Variants in SLX4 observed in about 807,000 individuals in gnomAD.
SLX4 encodes structure-specific endonuclease subunit SLX4.
In SLX4, 112 loss-of-function variants were observed where a neutral mutation model predicts 146.2. The observed-to-expected ratio is 0.77, with a 90% CI of 0.66 to 0.90. The LOEUF is 0.90. Ranked by LOEUF, SLX4 falls within the 40% of genes least tolerant of loss-of-function variation. The pLI is 0.00. For missense variants in SLX4, 2,563 were observed against 2,392.7 expected (o/e 1.07, Z -1.49); for synonymous variants, 1,061 against 997.7 (o/e 1.06, Z -1.20).
At chr16:3,608,342 G>T in intron 2 of SLX4, 88 bp downstream of exon 2, 1 of 1,354,522 alleles carries the variant, frequency 7.4e-7, no homozygotes, top group Non-Finnish European at 1.1e-6. Context: ...TTGTGACAGA[G>T]TCTGTGTGGC....
At chr16:3,588,782 G>A (rs958608091) in intron 12 of SLX4, among the ~76,000 whole-genome samples, 4 of 152,166 alleles carry the variant, frequency 2.6e-5, no homozygotes, top group Admixed American at 1.3e-4. Flanking sequence ...AGCCAGGCAA[G>A]TTTGGGAAAC....
intron 12 of SLX4, 139 bp downstream of exon 12, chr16:3,588,863 G>T: frequency 9.5e-7 from 1 of 1,053,162 alleles, no homozygotes; most frequent in Non-Finnish European, 1.5e-6. Flanking sequence ...GGGGAGTCTG[G>T]AAGGCAGCGG....
intron 2 of SLX4, 56 bp downstream of exon 2, chr16:3,608,374 G>A (rs1181273351): frequency 1.9e-5 from 31 of 1,594,434 alleles, no homozygotes; most frequent in South Asian, 3.3e-5. Flanking sequence ...AAATATTTAC[G>A]ATCTGGCCCT....
chr16:3,609,493 A>G lies in SLX4; in HGVS notation c.-529T>C, dbSNP rs2040825066. 1 of 157,114 alleles carries G rather than the reference A, an allele frequency of 6.4e-6. No homozygotes were observed. The highest frequency in any genetic ancestry group is 1.4e-5 in the Non-Finnish European group (1 of 70,668). The allele number at this position is 157,114 out of a possible 1,614,324, so 9.7% of individuals were successfully genotyped here. A position where few individuals can be genotyped will look rare whatever the true frequency, so the allele number is the denominator to read the frequency against. On this transcript the variant is annotated 5_prime_UTR_variant, in exon 2 of 15. Transcript: ENST00000294008. ...TAGATGCCTCTGAGATCGAATACAT[A>G]TGAACCTGGTGCTCAGATAATTCTC... is the stretch of plus-strand genomic sequence containing the variant.
rs1320885671 is a variant in SLX4, at chr16:3,583,086, C to T, written c.5153+11G>A. On this transcript the variant is annotated intron_variant, in intron 14 of 14. Transcript: ENST00000294008. ...ATGAGGCCACTGACCCCATCGCATC[C>T]ATCCGGTTACCTCTGTGAGCTCAAG... 6 of 1,614,128 alleles carry T rather than the reference C, an allele frequency of 3.7e-6. No individual in the cohort carries two copies. The highest frequency in any genetic ancestry group is 3.3e-5 in the South Asian group (3 of 91,084).
intron 9 of SLX4, 97 bp from the exon 10 acceptor site, chr16:3,594,696 G>C: frequency 1.3e-6 from 2 of 1,547,914 alleles, no homozygotes; most frequent in East Asian, 4.5e-5. Flanking sequence ...GCTAGGGTGG[G>C]CCGGGAGCCA....
rs777094715 is a variant in SLX4, at chr16:3,600,971, C to T, written c.1163+8G>A. ...TTGGCTTGGTTTTCTTCCTTTTCGTCGACTTACCTGAACATGGGTGGGCTG... is the reference window on the plus strand; with the variant it reads ...TTGGCTTGGTTTTCTTCCTTTTCGTTGACTTACCTGAACATGGGTGGGCTG... On this transcript the variant is annotated splice_region_variant and intron_variant, in intron 5 of 14. Coordinates refer to ENST00000294008, the MANE Select transcript of SLX4 (RefSeq NM_032444.4). 1.4e-5 allele frequency: 22 copies of T among 1,612,976 alleles called. No individual in the cohort carries two copies. The highest frequency in any genetic ancestry group is 1.8e-4 in the Middle Eastern group (1 of 5,640).
intron 11 of SLX4, 112 bp downstream of exon 11, chr16:3,592,587 G>C: frequency 8.0e-7 from 1 of 1,248,906 alleles, no homozygotes; most frequent in Admixed American, 2.0e-5. Flanking sequence ...GTATAAACAG[G>C]ACTGTTAGTT....
At position 3,585,498 on chromosome 16, in the gene SLX4, A is replaced by C. The variant is rs531090475; in HGVS notation, c.4637-627T>G. ...CTGCTTGGGAGGCTGAGGCAGGAGA[A>C]TGGCGTGAACCTGGGAGGCGGAGCT... On this transcript the variant is annotated intron_variant, in intron 12 of 14. Transcript: ENST00000294008. Among the ~76,000 whole-genome samples the C allele has an allele frequency of 1.8e-3, 269 of 150,842 alleles. 1 individual carries two copies. Among genetic ancestry groups the C allele is most frequent in the African/African-American group, 6.3e-3 (258 of 41,166 alleles).
In SLX4 at chr16:3,582,097, G is replaced by A; in HGVS notation, c.*245C>T. The stretch of plus-strand genomic sequence containing the variant: ...GAGACACACTGTGAGCACGGACAGA[G>A]GAAGGGGCTGGAGTCTGTAAATCCA... On this transcript the variant is annotated 3_prime_UTR_variant, in exon 15 of 15. Coordinates refer to ENST00000294008, the MANE Select transcript of SLX4 (RefSeq NM_032444.4). 1 of 585,336 alleles carries A rather than the reference G, an allele frequency of 1.7e-6. No homozygotes were observed. The highest frequency in any genetic ancestry group is 3.0e-5 in the Admixed American group (1 of 33,414). The allele number at this position is 585,336 out of a possible 1,614,324, so 36.3% of individuals were successfully genotyped here. A position where few individuals can be genotyped will look rare whatever the true frequency, so the allele number is the denominator to read the frequency against.
intron 10 of SLX4, among the ~76,000 whole-genome samples, chr16:3,593,528 A>T (rs56211607): frequency 0.084 from 12,821 of 152,252 alleles, 611 homozygotes; most frequent in African/African-American, 0.13. Flanking sequence ...CCTAGTCTTA[A>T]AAGCAGCTCC....
At position 3,589,032 on chromosome 16, in the gene SLX4, C is replaced by A; in HGVS notation, c.4606G>T (p.Ala1536Ser). 6.2e-7 allele frequency: 1 copy of A among 1,614,172 alleles called. No homozygotes were observed. Among genetic ancestry groups the A allele is most frequent in the Non-Finnish European group, 8.5e-7 (1 of 1,180,048 alleles). ...PPAQMPSAGG[A>S]QKPEGLETPK... ...GTCTCTAACCCTTCGGGCTTCTGAG[C>A]TCCACCAGCGCTTGGCATCTGGGCC... Residue 1536 changes from alanine to serine, a missense_variant, in exon 12 of 15, where the codon GCT becomes TCT. Physicochemically the swap from Ala to Ser is moderately conservative, Grantham distance 99. Transcript: ENST00000294008. The surrounding 1 kb of genome is among the most constrained non-coding windows in gnomAD (Gnocchi z 6.2).
Position 3,590,714 on chromosome 16 carries a change from G to A in SLX4, c.2924C>T (p.Pro975Leu), listed in dbSNP as rs114472821. The A allele has an allele frequency of 2.9e-3, 4,650 of 1,614,178 alleles. 31 individuals are homozygous for A. The highest frequency in any genetic ancestry group is 0.018 in the African/African-American group (1,355 of 75,054). The change falls in exon 12 of 15, where the codon CCG becomes CTG. Residue 975 changes from proline (P) to leucine (L), a missense_variant. Pro to Leu is a moderately conservative substitution (Grantham distance 98). Coordinates refer to ENST00000294008, the MANE Select transcript of SLX4 (RefSeq NM_032444.4). The surrounding 1 kb of genome is among the most constrained non-coding windows in gnomAD (Gnocchi z 4.8). ...CQAERKEGSLPHSDDAGDYEQ... is the reference protein window; with the variant it reads ...CQAERKEGSLLHSDDAGDYEQ... ...GTAATCCCCGGCATCATCTGAGTGC[G>A]GAAGAGAGCCTTCTTTTCTCTCTGC...
intron 12 of SLX4, 37 bp downstream of exon 12, chr16:3,588,965 A>G: frequency 6.2e-7 from 1 of 1,613,250 alleles, no homozygotes; most frequent in South Asian, 1.1e-5. Flanking sequence ...AATAGTAACA[A>G]AGACAGTCCC....
At chr16:3,586,582 G>A (rs1450991653) in intron 12 of SLX4, among the ~76,000 whole-genome samples, 1 of 152,170 alleles carries the variant, frequency 6.6e-6, no homozygotes, top group Non-Finnish European at 1.5e-5. Context: ...AGACCAAAGT[G>A]GGTGGATCAC....
At chr16:3,611,250 A>G (rs907347720) in intron 1 of SLX4, among the ~76,000 whole-genome samples, 3 of 152,168 alleles carry the variant, frequency 2.0e-5, no homozygotes, top group African/African-American at 4.8e-5. Flanking sequence ...GTCTGGGAAA[A>G]GGGCTGCCAA....
chr16:3,608,432 C>A lies in SLX4; in HGVS notation c.533G>T (p.Arg178Ile), dbSNP rs1216948562. ...PSPNLSREKT[R>I]ENVPNSDSQP... Reference sequence around the variant, plus strand: ...TGGTTTAAAAGAGTACAAATTACCTCTGGTTTTCTCTCTGGAAAGGTTTGG... The same window carrying A: ...TGGTTTAAAAGAGTACAAATTACCTATGGTTTTCTCTCTGGAAAGGTTTGG... Residue 178 changes from arginine (R) to isoleucine (I), a missense_variant and splice_region_variant, in exon 2 of 15, where the codon AGA becomes ATA. Arg to Ile is a moderately conservative substitution (Grantham distance 97). Coordinates refer to ENST00000294008, the MANE Select transcript of SLX4 (RefSeq NM_032444.4). 1.7e-5 allele frequency: 28 copies of A among 1,614,030 alleles called. No individual in the cohort carries two copies. Among genetic ancestry groups the A allele is most frequent in the Non-Finnish European group, 2.3e-5 (27 of 1,180,046 alleles).
intron 3 of SLX4, among the ~76,000 whole-genome samples, chr16:3,602,557 G>C (rs1162329848): frequency 6.6e-6 from 1 of 152,170 alleles, no homozygotes; most frequent in African/African-American, 2.4e-5. Context: ...TCGACACTCA[G>C]ATTCAAATTC....
chr16:3,584,937 G>A, intron 12 of SLX4, 66 bp from the exon 13 acceptor site: 1 of 1,132,324 alleles, frequency 8.8e-7, no homozygotes, highest in Non-Finnish European at 1.4e-6. Context: ...TCTGATCCCA[G>A]TAGCGTGACC....
Sources: allele counts gnomAD v4.1 joint callset (sites outside exome capture counted in the v4.1 genomes callset), GRCh38; gene constraint gnomAD v4.1.1; non-coding constraint Gnocchi (gnomAD v3.1); transcripts MANE v1.5; gene names NCBI Gene and HGNC (gene_info 2026-07-23, HGNC 2026-07-21).